The following ATP2C2 variants were observed in gnomAD, a reference collection of about 807,000 sequenced individuals.
ATP2C2 encodes the protein ATPase secretory pathway Ca2+ transporting 2.
A neutral mutation model predicts 110.8 loss-of-function variants in ATP2C2; 171 were observed. The ratio of observed to expected loss-of-function variants is 1.54; its 90% CI spans 1.36 to 1.75. The LOEUF (loss-of-function observed/expected upper bound fraction) is 1.75, where lower values mean the gene tolerates loss of function less well. Among genes scored for constraint, ATP2C2 ranks in the 40% most tolerant of loss-of-function variants. The probability of loss-of-function intolerance (pLI) is 0.00; values close to 1 mark genes in which losing one functional copy is unlikely to be tolerated. For synonymous variants in ATP2C2, 804 were observed against 508.4 expected, an observed-to-expected ratio of 1.58 and a Z score of -7.82; for missense variants, 1,963 against 1,235.0, an observed-to-expected ratio of 1.59 and a Z score of -8.84.
At chr16:84,390,673 G>T (rs915066954) in intron 1 of ATP2C2, among the ~76,000 whole-genome samples, 1 of 152,142 alleles carries the variant, frequency 6.6e-6, no homozygotes, top group Non-Finnish European at 1.5e-5. Flanking sequence ...TTCCTCTGGC[G>T]GGCGGTGAAA....
rs763841879 is a variant in ATP2C2, at chr16:84,368,689, T to G, written c.74T>G (p.Leu25Arg). Residue 25 changes from leucine to arginine, a missense_variant, in exon 1 of 27, where the codon CTG (leucine) becomes CGG (arginine). Coordinates refer to ENST00000262429, the MANE Select transcript of ATP2C2 (RefSeq NM_014861.4). ...GGCGGGGGCCGCCAGTACCAGGCGC[T>G]GGAGAAGGACGAAGAGGAAGCCTTG... is the stretch of plus-strand genomic sequence containing the variant. ...FSGGGRQYQALEKDEEEALID... is the reference protein window; with the variant it reads ...FSGGGRQYQAREKDEEEALID... 6.4e-7 allele frequency: 1 copy of G among 1,552,096 alleles called. No individual in the cohort carries two copies. Among genetic ancestry groups the G allele is most frequent in the East Asian group, 2.6e-5 (1 of 38,516 alleles).
intron 14 of ATP2C2, among the ~76,000 whole-genome samples, chr16:84,441,256 G>T (rs1160405170): frequency 2.6e-5 from 4 of 151,958 alleles, no homozygotes; most frequent in Non-Finnish European, 5.9e-5. Context: ...AACGTAGTGA[G>T]ACCCTGTTTC....
intron 3 of ATP2C2, among the ~76,000 whole-genome samples, chr16:84,407,994 C>T (rs1218226013): frequency 1.3e-5 from 2 of 152,158 alleles, no homozygotes; most frequent in African/African-American, 4.8e-5. Flanking sequence ...GAGGCTGTTA[C>T]AGGAGCAGGC....
chr16:84,404,913 C>A, intron 2 of ATP2C2: 2 of 600,916 alleles, frequency 3.3e-6, no homozygotes, highest in Non-Finnish European at 3.1e-6. Context: ...GTCGTCTTTT[C>A]TGCTGTAATT....
chr16:84,415,543 ATCTC>A lies in ATP2C2; in HGVS notation c.581_584del (p.Leu194ArgfsTer39). 6.2e-7 allele frequency: 1 copy of A among 1,614,172 alleles called. No individual in the cohort carries two copies. The highest frequency in any genetic ancestry group is 8.5e-7 in the Non-Finnish European group (1 of 1,180,016). ...GAGAACTGGTTCCTGGTGATGTCGT[ATCTC>A]TCTCGATCGGAGACCGGATCCCTGC... On this transcript the variant is annotated frameshift_variant, in exon 7 of 27. Coordinates refer to ENST00000262429, the MANE Select transcript of ATP2C2 (RefSeq NM_014861.4). LOFTEE classifies it high-confidence loss of function.
At position 84,439,166 on chromosome 16, in the gene ATP2C2, C is replaced by A; in HGVS notation, c.987C>A (p.Ser329Arg). The change falls in exon 12 of 27, where the codon AGC becomes AGA. Residue 329 changes from serine to arginine, a missense_variant and splice_region_variant. Transcript: ENST00000262429. ...GGACTCATTTGACCTTTCGATCCAG[C>A]CTGGCTGTGGCGGCCATTCCAGAGG... is the stretch of plus-strand genomic sequence containing the variant. The part of the protein sequence containing the change: ...QLLSMFTIGV[S>R]LAVAAIPEGL... 3 of 1,612,210 alleles carry A rather than the reference C, an allele frequency of 1.9e-6. No individual in the cohort carries two copies. The highest frequency in any genetic ancestry group is 2.5e-6 in the Non-Finnish European group (3 of 1,180,010).
rs891876845 is a variant in ATP2C2 at position 84,464,007 on chromosome 16, G to A, written c.*275G>A. Reference sequence around the variant, plus strand: ...AATCACAATGATTTTTATTAACCATGTCTAACTACGTATCTGTGCCACAGC... The same window carrying A: ...AATCACAATGATTTTTATTAACCATATCTAACTACGTATCTGTGCCACAGC... On this transcript the variant is annotated 3_prime_UTR_variant, in exon 27 of 27. Transcript: ENST00000262429. The A allele has an allele frequency of 2.1e-5, 7 of 333,610 alleles. No individual in the cohort carries two copies. The highest frequency in any genetic ancestry group is 4.2e-5 in the African/African-American group (2 of 47,760). The allele number at this position is 333,610 out of a possible 1,614,324, so 20.7% of individuals were successfully genotyped here. A position where few individuals can be genotyped will look rare whatever the true frequency, so the allele number is the denominator to read the frequency against.
At chr16:84,460,162 G>C (rs145837015) in intron 23 of ATP2C2, 2 of 202,558 alleles carry the variant, frequency 9.9e-6, no homozygotes, top group African/African-American at 4.6e-5. Flanking sequence ...GCAGAAGTGG[G>C]ACCAGGAAGC....
At chr16:84,368,878 T>G (rs1909789418) in intron 1 of ATP2C2, among the ~76,000 whole-genome samples, 164 bp downstream of exon 1, 2 of 152,230 alleles carry the variant, frequency 1.3e-5, no homozygotes, top group Admixed American at 1.3e-4. Flanking sequence ...CGCTCTCATC[T>G]GCGCTCTGGC....
chr16:84,422,833 A>G (rs868521142), intron 9 of ATP2C2, 136 bp downstream of exon 9: 9 of 848,236 alleles, frequency 1.1e-5, no homozygotes, highest in African/African-American at 5.4e-5. Flanking sequence ...TAAACATTTA[A>G]TTTTTTTTTT....
chr16:84,415,846 C>T (rs2150533712), intron 7 of ATP2C2, among the ~76,000 whole-genome samples: 1 of 152,318 alleles, frequency 6.6e-6, no homozygotes, highest in South Asian at 2.1e-4. Context: ...CAGTTTAAAG[C>T]AGGCTGCAAT....
rs1170344466 is a variant in ATP2C2, at chr16:84,382,894, TAAAAA to T, written c.99+14198_99+14202del. Among the ~76,000 whole-genome samples the T allele has an allele frequency of 2.5e-3, 231 of 91,750 alleles. 3 individuals are homozygous for T. Among genetic ancestry groups the T allele is most frequent in the African/African-American group, 9.8e-3 (226 of 23,068 alleles). 60.2% of individuals were successfully genotyped at this position (91,750 alleles called of 152,430 possible). A position where few individuals can be genotyped will look rare whatever the true frequency, so the allele number is the denominator to read the frequency against. On this transcript the variant is annotated intron_variant, in intron 1 of 26. Coordinates refer to ENST00000262429, the MANE Select transcript of ATP2C2 (RefSeq NM_014861.4). ...GTGGGCGACAGAGCAAGACTCCATCTAAAAAAAAAAAAAAAAAAAAAAGTAAAGAA... is the reference window on the plus strand; with the variant it reads ...GTGGGCGACAGAGCAAGACTCCATCTAAAAAAAAAAAAAAAAAGTAAAGAA...
At chr16:84,374,605 G>A (rs1161966977) in intron 1 of ATP2C2, among the ~76,000 whole-genome samples, 1 of 152,060 alleles carries the variant, frequency 6.6e-6, no homozygotes, top group Non-Finnish European at 1.5e-5. Context: ...CAACTAGAAG[G>A]AACTTCCAGT....
At chr16:84,404,062 C>A (rs1035962900) in intron 2 of ATP2C2, among the ~76,000 whole-genome samples, 1 of 152,212 alleles carries the variant, frequency 6.6e-6, no homozygotes, top group Non-Finnish European at 1.5e-5. Context: ...GGGCGCAGGG[C>A]TTCCATGCCC....
At position 84,422,625 on chromosome 16, in the gene ATP2C2, A is replaced by G. The variant is rs1907450215; in HGVS notation, c.775-4A>G. 1 of 1,612,868 alleles carries G rather than the reference A, an allele frequency of 6.2e-7. No individual in the cohort carries two copies. The highest frequency in any genetic ancestry group is 8.5e-7 in the Non-Finnish European group (1 of 1,179,524). On this transcript the variant is annotated splice_region_variant and splice_polypyrimidine_tract_variant and intron_variant, in intron 8 of 26. Coordinates refer to ENST00000262429, the MANE Select transcript of ATP2C2 (RefSeq NM_014861.4). ...TTTCATACTTCTCTCTCTCCTGGAC[A>G]CAGGGGGTCGTGATTGGAACAGGGG... is the stretch of plus-strand genomic sequence containing the variant.
intron 3 of ATP2C2, chr16:84,406,622 G>A: frequency 3.0e-6 from 3 of 985,550 alleles, no homozygotes; most frequent in Non-Finnish European, 3.6e-6. Flanking sequence ...ATTCATCGAT[G>A]CGTTTTGGCA....
At chr16:84,372,155 G>T (rs1162374922) in intron 1 of ATP2C2, among the ~76,000 whole-genome samples, 2 of 152,152 alleles carry the variant, frequency 1.3e-5, no homozygotes, top group African/African-American at 2.4e-5. Context: ...TTTATCCCTG[G>T]AGCAGTGGGG....
chr16:84,458,695 C>A (rs1028200675), intron 21 of ATP2C2, among the ~76,000 whole-genome samples: 2 of 152,202 alleles, frequency 1.3e-5, no homozygotes, highest in African/African-American at 4.8e-5. Flanking sequence ...CTTCAGCCTC[C>A]CCATCCCTCC....
chr16:84,422,168 A>G (rs571275983), intron 7 of ATP2C2, among the ~76,000 whole-genome samples: 1 of 152,292 alleles, frequency 6.6e-6, no homozygotes, highest in Admixed American at 6.5e-5. Context: ...TTCGAACAAC[A>G]TTAAGCAAAG....
Sources: allele counts gnomAD v4.1 joint callset (sites outside exome capture counted in the v4.1 genomes callset), GRCh38; gene constraint gnomAD v4.1.1; transcripts MANE v1.5; gene names NCBI Gene and HGNC (gene_info 2026-07-23, HGNC 2026-07-21).